The following UGT2A1 variants were observed in gnomAD, a reference collection of about 807,000 sequenced individuals.
UGT2A1 encodes UDP glucuronosyltransferase family 2 member A1 complex locus.
In UGT2A1, 61 loss-of-function variants were observed where a neutral mutation model predicts 45.4. That is an observed-to-expected ratio of 1.34 (90% CI 1.09 to 1.66). The LOEUF is 1.66. Ranked by LOEUF, UGT2A1 falls within the 40% of genes most tolerant of loss-of-function variation. The probability of loss-of-function intolerance (pLI) is 0.00; values close to 1 mark genes in which losing one functional copy is unlikely to be tolerated. For missense variants in UGT2A1, 649 were observed against 574.3 expected (o/e 1.13, Z -1.33); for synonymous variants, 229 against 196.2 (o/e 1.17, Z -1.40).
chr4:69,631,765 C>T (rs562271695), intron 3 of UGT2A1, among the ~76,000 whole-genome samples: 7 of 152,202 alleles, frequency 4.6e-5, no homozygotes, highest in Non-Finnish European at 8.8e-5. Context: ...TTGAAGACTA[C>T]GGACATATTA....
At chr4:69,634,200 G>C (rs564846348) in intron 3 of UGT2A1, among the ~76,000 whole-genome samples, 1 of 151,958 alleles carries the variant, frequency 6.6e-6, no homozygotes. Context: ...AGCCGAGATC[G>C]CGCCACTGCA....
At chr4:69,623,951 C>T (rs1045221603) in intron 3 of UGT2A1, among the ~76,000 whole-genome samples, 1 of 151,558 alleles carries the variant, frequency 6.6e-6, no homozygotes, top group Non-Finnish European at 1.5e-5. Context: ...CTTAAAAAAG[C>T]ATCTTATAGA....
At chr4:69,648,683 A>G (rs1722390171) in intron 1 of UGT2A1, among the ~76,000 whole-genome samples, 1 of 152,092 alleles carries the variant, frequency 6.6e-6, no homozygotes, top group Admixed American at 6.6e-5. Flanking sequence ...CAGCAAAATA[A>G]GAAAATATTA....
At chr4:69,645,516 T>C (rs1722215828) in intron 2 of UGT2A1, among the ~76,000 whole-genome samples, 1 of 151,714 alleles carries the variant, frequency 6.6e-6, no homozygotes, top group Non-Finnish European at 1.5e-5. Context: ...CTCCCAATTG[T>C]GTTGCTAGGT....
intron 2 of UGT2A1, among the ~76,000 whole-genome samples, chr4:69,646,041 C>T (rs1722244631): frequency 6.6e-6 from 1 of 151,784 alleles, no homozygotes; most frequent in African/African-American, 2.4e-5. Context: ...ATACCTAACT[C>T]CTCTACATTT....
chr4:69,599,685 G>A, intron 3 of UGT2A1: 1 of 254,124 alleles, frequency 3.9e-6, no homozygotes, highest in Non-Finnish European at 7.2e-6. Flanking sequence ...GAAAGAGGTA[G>A]AAATAAAGAA....
At chr4:69,637,895 G>A (rs1399279761) in intron 2 of UGT2A1, among the ~76,000 whole-genome samples, 1 of 150,874 alleles carries the variant, frequency 6.6e-6, no homozygotes, top group Non-Finnish European at 1.5e-5. Context: ...AAAAAGGAAG[G>A]AAGGCAAGAA....
intron 3 of UGT2A1, 125 bp downstream of exon 3, chr4:69,635,566 A>C (rs1721630382): frequency 6.0e-6 from 1 of 166,290 alleles, no homozygotes; most frequent in African/African-American, 2.4e-5. Flanking sequence ...GATGTGGCTC[A>C]AGCCTGTAAT....
At chr4:69,621,490 T>C (rs1720753491) in intron 3 of UGT2A1, among the ~76,000 whole-genome samples, 1 of 151,520 alleles carries the variant, frequency 6.6e-6, no homozygotes. Context: ...TATTAAAAAG[T>C]AAAAAAAATA....
At chr4:69,629,568 C>T (rs1382010539) in intron 3 of UGT2A1, among the ~76,000 whole-genome samples, 1 of 152,156 alleles carries the variant, frequency 6.6e-6, no homozygotes, top group East Asian at 1.9e-4. Flanking sequence ...AGGCTCTAGA[C>T]ATCTATGTGA....
chr4:69,631,882 A>C (rs1252519578), intron 3 of UGT2A1, among the ~76,000 whole-genome samples: 3 of 152,128 alleles, frequency 2.0e-5, no homozygotes. Flanking sequence ...CTACCACTTC[A>C]CACTACTTTT....
chr4:69,593,536 A>G, intron 6 of UGT2A1, among the ~76,000 whole-genome samples: 1 of 150,944 alleles, frequency 6.6e-6, no homozygotes, highest in East Asian at 1.9e-4. Context: ...CACACACACT[A>G]TCTACTAAGC....
At chr4:69,620,031 C>G (rs1720651318) in intron 3 of UGT2A1, among the ~76,000 whole-genome samples, 1 of 152,028 alleles carries the variant, frequency 6.6e-6, no homozygotes, top group South Asian at 2.1e-4. Context: ...CAACACCATA[C>G]TGAATGGGGA....
rs536693421 is a variant in UGT2A1, at chr4:69,623,058, C to A, written c.847+12633G>T. Among the ~76,000 whole-genome samples the A allele has an allele frequency of 5.3e-5, 8 of 151,794 alleles. No homozygotes were observed. The South Asian group carries it at 1.7e-3, about 32-fold the overall frequency. Reference sequence around the variant, plus strand: ...GTCTGAATTAATTGAAATTTTCTACCTTCTGTTACTGAAGGCAATAAACAC... The same window carrying A: ...GTCTGAATTAATTGAAATTTTCTACATTCTGTTACTGAAGGCAATAAACAC... On this transcript the variant is annotated intron_variant, in intron 3 of 6. Coordinates refer to ENST00000286604, the MANE Select transcript of UGT2A1 (RefSeq NM_001252275.3).
intron 3 of UGT2A1, 137 bp from the exon 4 acceptor site, chr4:69,599,531 A>T: frequency 8.2e-7 from 1 of 1,218,714 alleles, no homozygotes; most frequent in Non-Finnish European, 1.1e-6. Flanking sequence ...TATCATGTTT[A>T]TATATTAAGA....
At chr4:69,599,792 A>AT (rs1344018240) in intron 3 of UGT2A1, 4 of 162,072 alleles carry the variant, frequency 2.5e-5, no homozygotes, top group East Asian at 1.8e-4. Context: ...AGGAGGGAGG[A>AT]TTTTTTGTTA....
At chr4:69,591,681 T>C (rs1718605463) in intron 6 of UGT2A1, among the ~76,000 whole-genome samples, 1 of 152,128 alleles carries the variant, frequency 6.6e-6, no homozygotes, top group Non-Finnish European at 1.5e-5. Flanking sequence ...GGAAGTCCAT[T>C]TGGATGGTTG....
At chr4:69,643,127 C>A (rs1286476389) in intron 2 of UGT2A1, among the ~76,000 whole-genome samples, 2 of 151,472 alleles carry the variant, frequency 1.3e-5, no homozygotes, top group Non-Finnish European at 3.0e-5. Flanking sequence ...CCTCCCCAGA[C>A]AACAGAATCA....
intron 3 of UGT2A1, among the ~76,000 whole-genome samples, chr4:69,624,845 T>C (rs908512883): frequency 6.6e-6 from 1 of 151,318 alleles, no homozygotes; most frequent in Non-Finnish European, 1.5e-5. Context: ...TTAAATAACA[T>C]TTTTTAAGTC....
Sources: gnomAD v4.1 joint callset for allele counts (sites outside exome capture counted in the v4.1 genomes callset) on GRCh38, gnomAD v4.1.1 for gene constraint, MANE v1.5 for transcripts, NCBI Gene and HGNC (gene_info 2026-07-23, HGNC 2026-07-21) for gene names.